Variants in SLC5A2 observed in about 807,000 individuals in gnomAD.
SLC5A2 encodes the protein solute carrier family 5 member 2, also known as sodium/glucose cotransporter 2.
A neutral mutation model predicts 69.0 loss-of-function variants in SLC5A2; 67 were observed. That is an observed-to-expected ratio of 0.97 (90% CI 0.80 to 1.19). SLC5A2 has a LOEUF of 1.19. Among genes scored for constraint, SLC5A2 ranks in the 50% most tolerant of loss-of-function variants. SLC5A2 has a pLI of 0.00. For synonymous variants in SLC5A2, 455 were observed against 395.8 expected (o/e 1.15, Z -1.78); for missense variants, 1,001 against 921.5 (o/e 1.09, Z -1.12).
intron 6 of SLC5A2, 65 bp downstream of exon 6, chr16:31,487,465 G>T: frequency 1.9e-6 from 3 of 1,609,012 alleles, no homozygotes; most frequent in Non-Finnish European, 2.6e-6. Flanking sequence ...GCCTGCGCGC[G>T]GGGCCGTTGC....
Position 31,490,151 on chromosome 16 carries a change from G to A in SLC5A2, c.1713G>A (p.Glu571=), listed in dbSNP as rs752061835. 3.1e-6 allele frequency: 5 copies of A among 1,614,170 alleles called. No homozygotes were observed. Among genetic ancestry groups the A allele is most frequent in the East Asian group, 2.2e-5 (1 of 44,876 alleles). The change falls in exon 13 of 14, where the codon GAG becomes GAA. Residue 571 remains glutamate (E), a synonymous_variant. Transcript: ENST00000330498. Reference sequence around the variant, plus strand: ...TCCGGCATAGCAAGGAGGAACGGGAGGACCTGGATGCTGATGAGCAGCAAG... The same window carrying A: ...TCCGGCATAGCAAGGAGGAACGGGAAGACCTGGATGCTGATGAGCAGCAAG... ...FSLRHSKEER[E]DLDADEQQGS... is the part of the protein sequence containing the mutation.
Position 31,490,384 on chromosome 16 carries a change from G to A in SLC5A2, c.1868G>A (p.Gly623Asp), listed in dbSNP as rs770034327. Residue 623 changes from glycine (G) to aspartate (D), a missense_variant, in exon 14 of 14, where the codon GGC becomes GAC. Coordinates refer to ENST00000330498, the MANE Select transcript of SLC5A2 (RefSeq NM_003041.4). ...TGTGGAATGAGCAGAGGTGGGGTGGGCAGTCCTCCGCCCCTTACCCAGGAG... is the reference window on the plus strand; with the variant it reads ...TGTGGAATGAGCAGAGGTGGGGTGGACAGTCCTCCGCCCCTTACCCAGGAG... The part of the protein sequence containing the change: ...WFCGMSRGGV[G>D]SPPPLTQEEA... 6 of 1,613,190 alleles carry A rather than the reference G, an allele frequency of 3.7e-6. 1 individual carries two copies. The South Asian group carries it at 5.5e-5, about 15-fold the overall frequency.
rs1246136184 is a variant in SLC5A2 at position 31,489,033 on chromosome 16, G to A, written c.1434G>A (p.Pro478=). ...SAVFVLALFV[P]RVNEQGAFWG... ...TCTTCGTGCTGGCGCTCTTCGTGCC[G>A]CGCGTTAATGAGCAGGTGAGCGGCA... Residue 478 remains proline (P), a synonymous_variant, in exon 11 of 14, where the codon CCG becomes CCA. Coordinates refer to ENST00000330498, the MANE Select transcript of SLC5A2 (RefSeq NM_003041.4). 5 of 1,600,770 alleles carry A rather than the reference G, an allele frequency of 3.1e-6. No homozygotes were observed. Among genetic ancestry groups the A allele is most frequent in the Admixed American group, 3.3e-5 (2 of 59,998 alleles).
chr16:31,485,502 G>A, intron 3 of SLC5A2: 1 of 602,850 alleles, frequency 1.7e-6, no homozygotes, highest in Non-Finnish European at 2.9e-6. Context: ...AAACGGGCCA[G>A]AAGTGATAGC....
intron 11 of SLC5A2, 30 bp from the exon 12 acceptor site, chr16:31,489,093 C>G (rs1156766188): frequency 3.1e-6 from 5 of 1,604,628 alleles, no homozygotes; most frequent in Non-Finnish European, 4.2e-6. Context: ...GCTTGCACAT[C>G]CTCAGCAGGC....
chr16:31,490,707 A>T lies in SLC5A2; in HGVS notation c.*172A>T. 1 of 1,197,650 alleles carries T rather than the reference A, an allele frequency of 8.3e-7. No homozygotes were observed. The highest frequency in any genetic ancestry group is 1.2e-6 in the Non-Finnish European group (1 of 819,058). The allele number at this position is 1,197,650 out of a possible 1,614,324, so 74.2% of individuals were successfully genotyped here. ...TGCATCTGATTGGCAGTCACTTCCC[A>T]TGAGGGCCTGGCCCACCCGCTGCAG... On this transcript the variant is annotated 3_prime_UTR_variant, in exon 14 of 14. Coordinates refer to ENST00000330498, the MANE Select transcript of SLC5A2 (RefSeq NM_003041.4).
In SLC5A2 at chr16:31,488,066, A is replaced by C. The variant is rs1024666449; in HGVS notation, c.914A>C (p.Lys305Thr). The part of the protein sequence containing the change: ...QVIVQRCLAG[K>T]SLTHIKAGCI... ...ATCGTGCAGCGCTGCCTGGCCGGGA[A>C]GAGCCTGACCCACATCAAGGCGGGC... Residue 305 changes from lysine (K) to threonine (T), a missense_variant, in exon 8 of 14, where the codon AAG becomes ACG. Lys to Thr is a moderately conservative substitution (Grantham distance 78). Transcript: ENST00000330498. The C allele has an allele frequency of 1.2e-6, 2 of 1,613,836 alleles. No individual in the cohort carries two copies. Among genetic ancestry groups the C allele is most frequent in the African/African-American group, 2.7e-5 (2 of 74,944 alleles).
chr16:31,487,644 G>A lies in SLC5A2; in HGVS notation c.770G>A (p.Arg257Gln). The change falls in exon 7 of 14, where the codon CGA (arginine) becomes CAA (glutamine). Residue 257 changes from arginine to glutamine, a missense_variant. By Grantham distance (43) the Arg-to-Gln change is conservative (BLOSUM62 1). Coordinates refer to ENST00000330498, the MANE Select transcript of SLC5A2 (RefSeq NM_003041.4). ...AVGNISSFCYRPRPDSYHLLR... is the reference protein window; with the variant it reads ...AVGNISSFCYQPRPDSYHLLR... ...GGAAACATCTCCAGCTTCTGCTATCGACCCCGGCCCGACTCCTACCACCTG... is the reference window on the plus strand; with the variant it reads ...GGAAACATCTCCAGCTTCTGCTATCAACCCCGGCCCGACTCCTACCACCTG... 3.7e-6 allele frequency: 6 copies of A among 1,613,864 alleles called. No homozygotes were observed. Among genetic ancestry groups the A allele is most frequent in the Non-Finnish European group, 5.1e-6 (6 of 1,179,994 alleles).
intron 9 of SLC5A2, 59 bp downstream of exon 9, chr16:31,488,549 G>A: frequency 1.2e-6 from 2 of 1,602,736 alleles, no homozygotes; most frequent in Non-Finnish European, 8.5e-7. Context: ...GCTGGGAGGG[G>A]TCGTCCCTCG....
Position 31,488,629 on chromosome 16 carries a change from C to A in SLC5A2, c.1137C>A (p.Arg379=), listed in dbSNP as rs761863294. 2 of 1,611,292 alleles carry A rather than the reference C, an allele frequency of 1.2e-6. No homozygotes were observed. The highest frequency in any genetic ancestry group is 1.7e-6 in the Non-Finnish European group (2 of 1,179,420). Residue 379 remains arginine (R), a synonymous_variant, in exon 10 of 14, where the codon CGC becomes CGA. Coordinates refer to ENST00000330498, the MANE Select transcript of SLC5A2 (RefSeq NM_003041.4). Reference sequence around the variant, plus strand: ...GCTGCCGTCGGCCCGCAGGTCTGCGCGGACTCATGCTGGCGGTCATGCTGG... The same window carrying A: ...GCTGCCGTCGGCCCGCAGGTCTGCGAGGACTCATGCTGGCGGTCATGCTGG... ...LVVKLMPNGL[R]GLMLAVMLAA... is the part of the protein sequence containing the mutation.
intron 12 of SLC5A2, chr16:31,489,573 C>T: frequency 3.3e-6 from 2 of 597,554 alleles, no homozygotes; most frequent in Admixed American, 2.8e-5. Flanking sequence ...CAAAGCCAAT[C>T]CTTGGCATGG....
intron 9 of SLC5A2, 33 bp downstream of exon 9, chr16:31,488,523 C>T (rs1424807195): frequency 6.2e-7 from 1 of 1,600,956 alleles, no homozygotes; most frequent in African/African-American, 1.3e-5. Context: ...GGCGCAAGCT[C>T]GCTGCGGAGC....
At chr16:31,487,832 G>C (rs951329923) in intron 7 of SLC5A2, 73 bp downstream of exon 7, 6 of 1,481,934 alleles carry the variant, frequency 4.0e-6, no homozygotes, top group Non-Finnish European at 5.5e-6. Flanking sequence ...GTCCCTCCCC[G>C]CCTTCCCCAC....
At chr16:31,485,553 G>T in intron 3 of SLC5A2, 176 bp from the exon 4 acceptor site, 1 of 682,426 alleles carries the variant, frequency 1.5e-6, no homozygotes, top group Non-Finnish European at 2.5e-6. Context: ...GCCCAGGAGG[G>T]TGTCAGCTCT....
At chr16:31,488,842 C>G (rs368076414) in intron 10 of SLC5A2, 38 bp from the exon 11 acceptor site, 3 of 1,602,132 alleles carry the variant, frequency 1.9e-6, no homozygotes, top group Non-Finnish European at 2.5e-6. Context: ...TGCAGGGGAG[C>G]CCAGGGTCCG....
intron 13 of SLC5A2, 27 bp downstream of exon 13, chr16:31,490,257 C>T (rs1342436819): frequency 1.9e-6 from 3 of 1,613,844 alleles, no homozygotes; most frequent in Non-Finnish European, 2.5e-6. Flanking sequence ...GGAGGTGGGG[C>T]TGGAGGAGCT....
In SLC5A2 at chr16:31,488,757, T is replaced by G. The variant is rs1198340932; in HGVS notation, c.1265T>G (p.Leu422Arg). ...RLRPRAGDRE[L>R]LLVGRLWVVF... ...CGGCCACGCGCCGGCGACCGCGAGC[T>G]GCTGCTGGTGGGACGGTGCGGCCTG... The change falls in exon 10 of 14, where the codon CTG becomes CGG. Residue 422 changes from leucine (L) to arginine (R), a missense_variant. By Grantham distance (102) the Leu-to-Arg change is moderately radical (BLOSUM62 -2). Coordinates refer to ENST00000330498, the MANE Select transcript of SLC5A2 (RefSeq NM_003041.4). 1 of 1,604,068 alleles carries G rather than the reference T, an allele frequency of 6.2e-7. No individual in the cohort carries two copies. The highest frequency in any genetic ancestry group is 1.3e-5 in the African/African-American group (1 of 74,926).
intron 7 of SLC5A2, 47 bp from the exon 8 acceptor site, chr16:31,487,991 G>A: frequency 6.2e-7 from 1 of 1,605,616 alleles, no homozygotes; most frequent in Non-Finnish European, 8.5e-7. Flanking sequence ...CGCGGGGCGG[G>A]GCCGAGGGGA....
Position 31,487,674 on chromosome 16 carries a change from G to A in SLC5A2, c.800G>A (p.Arg267Gln), listed in dbSNP as rs777274439. 4.2e-5 allele frequency: 67 copies of A among 1,613,546 alleles called. No homozygotes were observed. The highest frequency in any genetic ancestry group is 5.4e-5 in the Non-Finnish European group (64 of 1,180,006). The change falls in exon 7 of 14, where the codon CGG becomes CAG. Residue 267 changes from arginine (R) to glutamine (Q), a missense_variant. By Grantham distance (43) the Arg-to-Gln change is conservative. Coordinates refer to ENST00000330498, the MANE Select transcript of SLC5A2 (RefSeq NM_003041.4). ...CGGCCCGACTCCTACCACCTGCTCC[G>A]GCACCCCGTGACCGGGGATCTGCCG... is the stretch of plus-strand genomic sequence containing the variant. ...RPRPDSYHLLRHPVTGDLPWP... is the reference protein window; with the variant it reads ...RPRPDSYHLLQHPVTGDLPWP...
Sources: gnomAD v4.1 joint callset for allele counts on GRCh38, gnomAD v4.1.1 for gene constraint, MANE v1.5 for transcripts, NCBI Gene and HGNC (gene_info 2026-07-23, HGNC 2026-07-21) for gene names.